CTNNA2: variants seen among roughly 807,000 people sequenced by gnomAD.
The protein encoded by CTNNA2 is catenin alpha-2.
A neutral mutation model predicts 101.0 loss-of-function variants in CTNNA2; 42 were observed. The observed-to-expected ratio is 0.42, with a 90% CI of 0.32 to 0.54. The LOEUF is 0.54. CTNNA2 is among the 20% of genes least tolerant of loss of function. CTNNA2 has a pLI of 0.14. For synonymous variants in CTNNA2, 450 were observed against 456.4 expected, an observed-to-expected ratio of 0.99 and a Z score of 0.18; for missense variants, 871 against 1,223.1, an observed-to-expected ratio of 0.71 and a Z score of 4.29.
At chr2:80,484,797 G>C (rs1393864942) in intron 9 of CTNNA2, among the ~76,000 whole-genome samples, 2 of 152,132 alleles carry the variant, frequency 1.3e-5, no homozygotes, top group Non-Finnish European at 2.9e-5. Context: ...ACTAGGTCCG[G>C]AGATCGAGAC....
chr2:80,105,682 A>T (rs1478827957), intron 7 of CTNNA2, among the ~76,000 whole-genome samples: 1 of 152,066 alleles, frequency 6.6e-6, no homozygotes, highest in African/African-American at 2.4e-5. Flanking sequence ...GTGAGCCATG[A>T]TCGATCATGC....
intron 1 of CTNNA2, among the ~76,000 whole-genome samples, chr2:79,585,063 A>G (rs1282881183): frequency 6.6e-6 from 1 of 151,968 alleles, no homozygotes; most frequent in Admixed American, 6.6e-5. Context: ...CCTCTTGCAC[A>G]TTTCTGTATA....
chr2:79,448,793 A>G (rs1678859168), intron 4 of CTNNA2, among the ~76,000 whole-genome samples: 1 of 152,080 alleles, frequency 6.6e-6, no homozygotes, highest in African/African-American at 2.4e-5. Context: ...TGAAGAGTTA[A>G]TACCAAAATG....
At position 80,648,000 on chromosome 2, in the gene CTNNA2, C is replaced by CTGTT. The variant is rs1174655007; in HGVS notation, c.*131_*134dup. The stretch of plus-strand genomic sequence containing the variant: ...CATGGGGAAATTAAGGGAACAGTGT[C>CTGTT]TGTTTGCATGTAAGATGAGATGAGA... On this transcript the variant is annotated 3_prime_UTR_variant, in exon 19 of 19. Coordinates refer to ENST00000402739, the MANE Select transcript of CTNNA2 (RefSeq NM_001282597.3). 3 of 848,212 alleles carry CTGTT rather than the reference C, an allele frequency of 3.5e-6. No individual in the cohort carries two copies. The highest frequency in any genetic ancestry group is 5.3e-6 in the Non-Finnish European group (3 of 561,164). The allele number at this position is 848,212 out of a possible 1,614,324, so 52.5% of individuals were successfully genotyped here. A position where few individuals can be genotyped will look rare whatever the true frequency, so the allele number is the denominator to read the frequency against.
At chr2:80,546,134 G>A (rs899755707) in intron 11 of CTNNA2, 71 bp downstream of exon 11, 68 of 1,555,342 alleles carry the variant, frequency 4.4e-5, no homozygotes, top group Middle Eastern at 2.2e-4. Context: ...GGAATGTCTC[G>A]CAAATGTCAT....
intron 2 of CTNNA2, among the ~76,000 whole-genome samples, chr2:79,254,690 A>G (rs1195185849): frequency 1.3e-5 from 2 of 152,232 alleles, no homozygotes; most frequent in African/African-American, 2.4e-5. Context: ...TGAAAAGACT[A>G]GTAAGCAAGC....
chr2:80,483,538 T>C (rs1044738368), intron 9 of CTNNA2, among the ~76,000 whole-genome samples: 3 of 152,064 alleles, frequency 2.0e-5, no homozygotes, highest in African/African-American at 7.2e-5. Context: ...GTGTTGGGCA[T>C]TGAAATGTAA....
chr2:79,671,652 C>G (rs186150701), intron 2 of CTNNA2, among the ~76,000 whole-genome samples: 111 of 152,322 alleles, frequency 7.3e-4, no homozygotes, highest in African/African-American at 2.0e-3. Flanking sequence ...GCCTGGGAAC[C>G]TCTTACTGCT....
chr2:79,824,712 G>A (rs1181453808), intron 3 of CTNNA2, among the ~76,000 whole-genome samples: 2 of 152,112 alleles, frequency 1.3e-5, no homozygotes, highest in Non-Finnish European at 2.9e-5. Context: ...ATCCTACATT[G>A]TATAGCTGCC....
chr2:80,612,105 T>G (rs1698515113), intron 17 of CTNNA2, among the ~76,000 whole-genome samples: 1 of 151,558 alleles, frequency 6.6e-6, no homozygotes. Context: ...ACTTTTGTTC[T>G]TTGCCATTTA....
chr2:80,469,900 G>A (rs569470594), intron 9 of CTNNA2, among the ~76,000 whole-genome samples: 2 of 152,182 alleles, frequency 1.3e-5, no homozygotes, highest in South Asian at 4.1e-4. Flanking sequence ...TTTTCATCAT[G>A]TTCTTGCAAT....
At position 80,314,130 on chromosome 2, in the gene CTNNA2, G is replaced by A. The variant is rs182648676; in HGVS notation, c.1057-79081G>A. 3.3e-5 allele frequency among the ~76,000 whole-genome samples: 5 copies of A among 152,262 alleles called. No homozygotes were observed. The East Asian group carries it at 7.7e-4, about 24-fold the overall frequency. On this transcript the variant is annotated intron_variant, in intron 7 of 18. Coordinates refer to ENST00000402739, the MANE Select transcript of CTNNA2 (RefSeq NM_001282597.3). ...GAATGTGCTTGGTGGCTATAGTGGT[G>A]GCAGTAGATGCAAATTCCAGAAAGA...
chr2:80,488,592 T>G (rs1225880960), intron 9 of CTNNA2, among the ~76,000 whole-genome samples: 1 of 152,182 alleles, frequency 6.6e-6, no homozygotes, highest in Non-Finnish European at 1.5e-5. Flanking sequence ...ACAAACAAAA[T>G]GAACAGGAGC....
At chr2:79,251,340 G>T (rs1400732780) in intron 2 of CTNNA2, among the ~76,000 whole-genome samples, 1 of 152,192 alleles carries the variant, frequency 6.6e-6, no homozygotes, top group Non-Finnish European at 1.5e-5. Context: ...AATGCACCAT[G>T]AACCAGGAAC....
At chr2:80,142,111 CA>C (rs1464086467) in intron 7 of CTNNA2, among the ~76,000 whole-genome samples, 4 of 152,070 alleles carry the variant, frequency 2.6e-5, no homozygotes, top group Non-Finnish European at 4.4e-5. Flanking sequence ...AAACCAATTG[CA>C]AATTAGAAAA....
At chr2:79,967,969 A>G (rs1690194406) in intron 7 of CTNNA2, among the ~76,000 whole-genome samples, 1 of 152,350 alleles carries the variant, frequency 6.6e-6, no homozygotes, top group East Asian at 1.9e-4. Flanking sequence ...TATATATTGC[A>G]TGATTCCCTT....
At chr2:80,616,201 A>G (rs1234027040) in intron 17 of CTNNA2, among the ~76,000 whole-genome samples, 2 of 151,690 alleles carry the variant, frequency 1.3e-5, no homozygotes, top group African/African-American at 4.8e-5. Context: ...AATATCCTGG[A>G]GAAGTTATGG....
intron 3 of CTNNA2, among the ~76,000 whole-genome samples, chr2:79,776,406 C>T (rs556667237): frequency 2.6e-5 from 4 of 152,194 alleles, no homozygotes; most frequent in Admixed American, 1.3e-4. Flanking sequence ...TAACTAAGGG[C>T]TTTCTAAGCT....
intron 7 of CTNNA2, among the ~76,000 whole-genome samples, chr2:80,364,620 AT>A (rs2149322635): frequency 8.1e-6 from 1 of 122,834 alleles, no homozygotes; most frequent in East Asian, 2.4e-4. Flanking sequence ...GATTTACTTG[AT>A]TTAAGTACTT....
Sources: gnomAD v4.1 joint callset for allele counts (sites outside exome capture counted in the v4.1 genomes callset) on GRCh38, gnomAD v4.1.1 for gene constraint, MANE v1.5 for transcripts, NCBI Gene and HGNC (gene_info 2026-07-23, HGNC 2026-07-21) for gene names.